The following EIF1AD variants were observed in gnomAD, a reference collection of about 807,000 sequenced individuals.
EIF1AD encodes the protein probable RNA-binding protein EIF1AD.
In EIF1AD, 9 loss-of-function variants were observed where a neutral mutation model predicts 21.7. The ratio of observed to expected loss-of-function variants is 0.41; its 90% CI spans 0.25 to 0.72. The LOEUF (loss-of-function observed/expected upper bound fraction) is 0.72. Ranked by LOEUF, EIF1AD falls within the 30% of genes least tolerant of loss-of-function variation. EIF1AD has a pLI of 0.29. For missense variants in EIF1AD, 164 were observed against 199.7 expected (o/e 0.82, Z 1.08); for synonymous variants, 78 against 70.9 (o/e 1.10, Z -0.50).
chr11:65,999,244 A>G, intron 5 of EIF1AD, 106 bp downstream of exon 5: 1 of 1,467,410 alleles, frequency 6.8e-7, no homozygotes, highest in Non-Finnish European at 9.5e-7. Flanking sequence ...GGAGCTCTCA[A>G]CAGATACCCT....
intron 5 of EIF1AD, 152 bp from the exon 6 acceptor site, chr11:65,998,895 A>G (rs1322159064): frequency 2.4e-6 from 2 of 847,612 alleles, no homozygotes; most frequent in African/African-American, 1.7e-5. Flanking sequence ...AGGAGAGCAA[A>G]CAGTGGGGAA....
rs1554965142 is a variant in EIF1AD, at chr11:66,000,432, A to T, written c.-43T>A. On this transcript the variant is annotated 5_prime_UTR_variant, in exon 2 of 6. It adds an upstream start codon to the 5' untranslated region. Transcript: ENST00000533544. ...CTGGTTAGGAACGAAGAGACTGTCA[A>T]CTCCTCCTCCTGAGTTCCTTGGATG... 1 of 1,557,522 alleles carries T rather than the reference A, an allele frequency of 6.4e-7. No homozygotes were observed. The highest frequency in any genetic ancestry group is 2.4e-5 in the East Asian group (1 of 41,794).
intron 1 of EIF1AD, among the ~76,000 whole-genome samples, chr11:66,001,084 A>C (rs1855936366): frequency 6.6e-6 from 1 of 152,146 alleles, no homozygotes; most frequent in Non-Finnish European, 1.5e-5. Context: ...CCGGCCGAAT[A>C]AAAAAACCTC....
At chr11:66,001,537 G>GC (rs1364058767) in intron 1 of EIF1AD, among the ~76,000 whole-genome samples, 1 of 149,416 alleles carries the variant, frequency 6.7e-6, no homozygotes, top group African/African-American at 2.5e-5. Context: ...AAAACTATAC[G>GC]CATGCTCCAG....
chr11:65,999,783 C>G, intron 3 of EIF1AD, 108 bp from the exon 4 acceptor site: 1 of 782,764 alleles, frequency 1.3e-6, no homozygotes, highest in Non-Finnish European at 2.1e-6. Context: ...TCTCACCTCT[C>G]TCTTTTTTCT....
At chr11:65,999,771 T>A in intron 3 of EIF1AD, 96 bp from the exon 4 acceptor site, 1 of 813,184 alleles carries the variant, frequency 1.2e-6, no homozygotes, top group Non-Finnish European at 2.0e-6. Context: ...GAGGGCTGCC[T>A]CTCTCACCTC....
intron 3 of EIF1AD, 110 bp from the exon 4 acceptor site, chr11:65,999,785 C>CT (rs1855874056): frequency 3.9e-6 from 3 of 766,326 alleles, no homozygotes; most frequent in African/African-American, 3.5e-5. Context: ...TCACCTCTCT[C>CT]TTTTTTCTTT....
In EIF1AD at chr11:66,000,367, T is replaced by G; in HGVS notation, c.23A>C (p.Lys8Thr). 1 of 1,612,206 alleles carries G rather than the reference T, an allele frequency of 6.2e-7. No homozygotes were observed. Among genetic ancestry groups the G allele is most frequent in the Non-Finnish European group, 8.5e-7 (1 of 1,179,230 alleles). MSQATKR[K>T]HVVKEVLGEH... is the part of the protein sequence containing the mutation. ...CCCTAGCACCTCCTTCACCACATGCTTCCTCTTGGTGGCCTGAGACATGCT... is the reference window on the plus strand; with the variant it reads ...CCCTAGCACCTCCTTCACCACATGCGTCCTCTTGGTGGCCTGAGACATGCT... The change falls in exon 2 of 6, where the codon AAG becomes ACG. Residue 8 changes from lysine to threonine, a missense_variant. Transcript: ENST00000533544.
At chr11:65,999,534 G>C (rs1314810334) in intron 4 of EIF1AD, 33 bp downstream of exon 4, 1 of 1,596,540 alleles carries the variant, frequency 6.3e-7, no homozygotes, top group Non-Finnish European at 8.6e-7. Context: ...GCCTCCAGAA[G>C]CCAGACAGCC....
chr11:65,999,887 A>G, intron 3 of EIF1AD, 166 bp downstream of exon 3: 1 of 653,884 alleles, frequency 1.5e-6, no homozygotes, highest in Non-Finnish European at 2.6e-6. Flanking sequence ...GGCTCAAGTG[A>G]TTCTCAGGCC....
In EIF1AD at chr11:65,998,675, G is replaced by C. The variant is rs1468915571; in HGVS notation, c.422C>G (p.Ser141Cys). Residue 141 changes from serine (S) to cysteine (C), a missense_variant, in exon 6 of 6, where the codon TCT becomes TGT. Coordinates refer to ENST00000533544, the MANE Select transcript of EIF1AD (RefSeq NM_001242481.2). ...GCGGTTTGTGTTAACAAACAGGTCA[G>C]AATCATCTTCTGAGCTGGACTCCTC... The part of the protein sequence containing the change: ...SGEESSSEDD[S>C]DLFVNTNRRQ... The C allele has an allele frequency of 2.5e-6, 4 of 1,614,080 alleles. No homozygotes were observed. Among genetic ancestry groups the C allele is most frequent in the Non-Finnish European group, 3.4e-6 (4 of 1,180,036 alleles).
At chr11:65,998,923 G>C (rs1590659946) in intron 5 of EIF1AD, among the ~76,000 whole-genome samples, 180 bp from the exon 6 acceptor site, 1 of 152,154 alleles carries the variant, frequency 6.6e-6, no homozygotes, top group Non-Finnish European at 1.5e-5. Flanking sequence ...CAAAGAAACA[G>C]GCTAAAGACT....
In EIF1AD at chr11:65,999,435, TAA is replaced by T. The variant is rs1456228890; in HGVS notation, c.306-40_306-39del. 3.1e-6 allele frequency: 5 copies of T among 1,614,046 alleles called. 1 individual carries two copies. Among genetic ancestry groups the T allele is most frequent in the Non-Finnish European group, 4.2e-6 (5 of 1,179,990 alleles). ...ATGAGCCAAAGTCAGAAAGGACAAA[TAA>T]ATTTCTCACAAAAGAGCTGCTTCCA... On this transcript the variant is annotated intron_variant, in intron 4 of 5. Transcript: ENST00000533544.
chr11:66,000,549 A>C, intron 1 of EIF1AD, 44 bp from the exon 2 acceptor site: 1 of 653,512 alleles, frequency 1.5e-6, no homozygotes, highest in Non-Finnish European at 2.6e-6. Flanking sequence ...TGGGTTCTGA[A>C]GTCTAACTGC....
chr11:65,998,557 G>T lies in EIF1AD; in HGVS notation c.*42C>A. The T allele has an allele frequency of 6.2e-7, 1 of 1,606,996 alleles. No homozygotes were observed. The highest frequency in any genetic ancestry group is 1.1e-5 in the South Asian group (1 of 90,188). On this transcript the variant is annotated 3_prime_UTR_variant, in exon 6 of 6. Transcript: ENST00000533544. ...GGAATGTCCAAGCCCAGAAGAGCCA[G>T]GGGCCAGTCCCTGAGCAAGTGGAGA...
Position 66,000,432 on chromosome 11 carries a change from A to C in EIF1AD, c.-43T>G. ...CTGGTTAGGAACGAAGAGACTGTCA[A>C]CTCCTCCTCCTGAGTTCCTTGGATG... On this transcript the variant is annotated 5_prime_UTR_variant, in exon 2 of 6. Coordinates refer to ENST00000533544, the MANE Select transcript of EIF1AD (RefSeq NM_001242481.2). 5 of 1,557,522 alleles carry C rather than the reference A, an allele frequency of 3.2e-6. No homozygotes were observed. Among genetic ancestry groups the C allele is most frequent in the Non-Finnish European group, 4.4e-6 (5 of 1,148,804 alleles).
intron 5 of EIF1AD, 91 bp from the exon 6 acceptor site, chr11:65,998,834 C>A: frequency 6.8e-7 from 1 of 1,472,898 alleles, no homozygotes; most frequent in South Asian, 1.3e-5. Context: ...GACCATCCGG[C>A]CCAGCAGTCA....
chr11:65,999,358 G>A lies in EIF1AD; in HGVS notation c.345C>T (p.Asn115=), dbSNP rs148924410. 5.6e-6 allele frequency: 9 copies of A among 1,614,052 alleles called. No homozygotes were observed. The African/African-American group carries it at 1.1e-4, about 19-fold the overall frequency. Residue 115 remains asparagine, a synonymous_variant, in exon 5 of 6, where the codon AAC becomes AAT. Transcript: ENST00000533544. ...CAAGGCTTGTTCCTCACCTGTTCCTGTTGTTGTGTTTCTCAGCCACTTCAG... is the reference window on the plus strand; with the variant it reads ...CAAGGCTTGTTCCTCACCTGTTCCTATTGTTGTGTTTCTCAGCCACTTCAG... ...AFSEVAEKHN[N]RNRQTQPELP... is the part of the protein sequence containing the mutation.
rs1189240513 is a variant in EIF1AD at position 65,996,959 on chromosome 11, G to A, written c.*1640C>T. ...TAATCCCAGCACTCTAGGAGGCCAA[G>A]GTGGGTGGACCACTTGAGGTCAGGA... is the stretch of plus-strand genomic sequence containing the variant. On this transcript the variant is annotated 3_prime_UTR_variant, in exon 6 of 6. Transcript: ENST00000533544. The A allele has an allele frequency of 1.3e-5, 2 of 152,240 alleles. No individual in the cohort carries two copies. The highest frequency in any genetic ancestry group is 2.4e-5 in the African/African-American group (1 of 41,424). The allele number at this position is 152,240 out of a possible 1,614,324, so 9.4% of individuals were successfully genotyped here.
Sources: gnomAD v4.1 joint callset for allele counts (sites outside exome capture counted in the v4.1 genomes callset) on GRCh38, gnomAD v4.1.1 for gene constraint, MANE v1.5 for transcripts, NCBI Gene and HGNC (gene_info 2026-07-23, HGNC 2026-07-21) for gene names.